The following ENOX2 variants were observed in gnomAD, a reference collection of about 807,000 sequenced individuals.
ENOX2 encodes ecto-NOX disulfide-thiol exchanger 2, also known as APK1 antigen.
Under a neutral mutation model 45.0 loss-of-function variants are expected in ENOX2, and 36 were observed. That is an observed-to-expected ratio of 0.80 (90% CI 0.61 to 1.06). The LOEUF (loss-of-function observed/expected upper bound fraction) is 1.06, where lower values mean the gene tolerates loss of function less well. Ranked by LOEUF, ENOX2 falls within the 50% of genes least tolerant of loss-of-function variation. The pLI, the probability that ENOX2 is intolerant of heterozygous loss-of-function variation, is 0.00. For synonymous variants in ENOX2, 174 were observed against 152.3 expected (o/e 1.14, Z -1.05); for missense variants, 423 against 462.5 (o/e 0.91, Z 0.78).
chrX:130,658,333 T>A (rs747464500), intron 9 of ENOX2, among the ~76,000 whole-genome samples: 1 of 110,985 alleles, frequency 9.0e-6, no homozygotes, highest in Non-Finnish European at 1.9e-5. Context: ...AACAAATGTA[T>A]CCAATCTGAA....
intron 3 of ENOX2, among the ~76,000 whole-genome samples, chrX:130,756,377 G>A (rs979783976): frequency 8.9e-6 from 1 of 112,121 alleles, no homozygotes; most frequent in Non-Finnish European, 1.9e-5. Flanking sequence ...GACTGTCTAG[G>A]ATGTCATAGC....
rs777694553 is a variant in ENOX2, at chrX:130,791,733, C to T, written c.-182-8043G>A. Among the ~76,000 whole-genome samples the T allele has an allele frequency of 2.2e-4, 25 of 111,821 alleles. No individual in the cohort carries two copies. The South Asian group carries it at 8.7e-3, about 39-fold the overall frequency. On this transcript the variant is annotated intron_variant, in intron 2 of 14. Coordinates refer to ENST00000394363, the MANE Select transcript of ENOX2 (RefSeq NM_006375.4). ...AAGGTTTATGGGTTCCTTCAGCATT[C>T]CTGGTATCTTCTGCATCTTAGGATT... is the stretch of plus-strand genomic sequence containing the variant.
chrX:130,701,116 A>G (rs778579411), intron 4 of ENOX2, among the ~76,000 whole-genome samples: 1 of 111,945 alleles, frequency 8.9e-6, no homozygotes, highest in Non-Finnish European at 1.9e-5. Flanking sequence ...CTTTGTGAGC[A>G]TAGATTTATG....
At chrX:130,885,545 G>T (rs1263312066) in intron 2 of ENOX2, among the ~76,000 whole-genome samples, 1 of 112,031 alleles carries the variant, frequency 8.9e-6, no homozygotes, top group Admixed American at 9.5e-5. Context: ...AAACCATTAA[G>T]GAATTAAACA....
intron 3 of ENOX2, among the ~76,000 whole-genome samples, chrX:130,779,909 T>C (rs2039934003): frequency 9.0e-6 from 1 of 111,676 alleles, no homozygotes; most frequent in African/African-American, 3.3e-5. Context: ...ATGAATTTAA[T>C]GACCGATATA....
At chrX:130,674,953 A>AT (rs1476683723) in intron 6 of ENOX2, among the ~76,000 whole-genome samples, 6 of 96,096 alleles carry the variant, frequency 6.2e-5, no homozygotes, top group African/African-American at 2.3e-4. Flanking sequence ...TGAACTCATC[A>AT]TTTTTTATGG....
chrX:130,804,846 T>C (rs1176518288), intron 2 of ENOX2, among the ~76,000 whole-genome samples: 1 of 111,835 alleles, frequency 8.9e-6, no homozygotes, highest in Admixed American at 9.5e-5. Flanking sequence ...TGGTAAAACT[T>C]TGCCCATTCC....
chrX:130,780,475 TA>T (rs1410666666), intron 3 of ENOX2, among the ~76,000 whole-genome samples: 1 of 111,826 alleles, frequency 8.9e-6, no homozygotes, highest in Non-Finnish European at 1.9e-5. Flanking sequence ...ATGTGGGTAA[TA>T]GTATACTTAC....
intron 4 of ENOX2, among the ~76,000 whole-genome samples, chrX:130,689,757 C>A (rs1259793614): frequency 9.0e-6 from 1 of 111,436 alleles, no homozygotes; most frequent in Non-Finnish European, 1.9e-5. Context: ...TACCTGTTAC[C>A]ACTGATTTTT....
intron 3 of ENOX2, among the ~76,000 whole-genome samples, chrX:130,731,492 G>C (rs893918967): frequency 8.9e-6 from 1 of 111,863 alleles, no homozygotes; most frequent in Middle Eastern, 4.6e-3. Context: ...AATATTACTG[G>C]AGCAACTGGA....
intron 2 of ENOX2, among the ~76,000 whole-genome samples, chrX:130,819,666 T>C (rs891386874): frequency 6.4e-5 from 7 of 109,953 alleles, no homozygotes; most frequent in Admixed American, 1.9e-4. Context: ...TAAGTGGGAG[T>C]TGAACAATGA....
At chrX:130,733,489 T>A (rs2038787694) in intron 3 of ENOX2, among the ~76,000 whole-genome samples, 1 of 111,900 alleles carries the variant, frequency 8.9e-6, no homozygotes, top group African/African-American at 3.3e-5. Flanking sequence ...AAATGAAGAC[T>A]TAAGTTCACA....
intron 2 of ENOX2, among the ~76,000 whole-genome samples, chrX:130,793,029 C>T (rs1176193436): frequency 8.9e-6 from 1 of 112,165 alleles, no homozygotes; most frequent in Non-Finnish European, 1.9e-5. Flanking sequence ...AGGTGTGCCA[C>T]TTACTAAGTG....
intron 2 of ENOX2, among the ~76,000 whole-genome samples, chrX:130,831,078 G>A (rs1217850350): frequency 4.5e-5 from 5 of 110,994 alleles, no homozygotes; most frequent in South Asian, 3.9e-4. Flanking sequence ...GAGGGAATGG[G>A]GGCCAAACTT....
intron 2 of ENOX2, among the ~76,000 whole-genome samples, chrX:130,802,093 T>C (rs191037013): frequency 7.1e-5 from 8 of 111,895 alleles, no homozygotes; most frequent in Non-Finnish European, 1.1e-4. Context: ...TCCAGACATA[T>C]GGGAGTTAGA....
At chrX:130,807,346 T>C (rs185865726) in intron 2 of ENOX2, among the ~76,000 whole-genome samples, 2 of 111,992 alleles carry the variant, frequency 1.8e-5, no homozygotes, top group East Asian at 5.6e-4. Context: ...GAAAAGCAGA[T>C]TAAAATTGGG....
At chrX:130,714,857 A>G (rs1282376279) in intron 3 of ENOX2, among the ~76,000 whole-genome samples, 1 of 111,134 alleles carries the variant, frequency 9.0e-6, no homozygotes, top group African/African-American at 3.3e-5. Context: ...CTAAGGAGAG[A>G]AGGTGGTGGA....
intron 13 of ENOX2, among the ~76,000 whole-genome samples, chrX:130,630,698 C>T (rs1411033660): frequency 2.7e-5 from 3 of 111,231 alleles, no homozygotes; most frequent in African/African-American, 6.5e-5. Context: ...ATTATCAAAC[C>T]TGGGGTGGGT....
intron 2 of ENOX2, among the ~76,000 whole-genome samples, chrX:130,819,588 G>T (rs2077557532): frequency 8.9e-6 from 1 of 111,773 alleles, no homozygotes; most frequent in African/African-American, 3.3e-5. Context: ...CATGGATGAA[G>T]CTGGAAAGCA....
Sources: allele counts gnomAD v4.1 joint callset (sites outside exome capture counted in the v4.1 genomes callset), GRCh38; gene constraint gnomAD v4.1.1; transcripts MANE v1.5; gene names NCBI Gene and HGNC (gene_info 2026-07-23, HGNC 2026-07-21).